Variants in CCM2 observed in about 807,000 individuals in gnomAD.
The protein encoded by CCM2 is cerebral cavernous malformations 2 protein.
In CCM2, 25 loss-of-function variants were observed where a neutral mutation model predicts 44.9. The ratio of observed to expected loss-of-function variants is 0.56; its 90% confidence interval spans 0.41 to 0.78. The LOEUF (loss-of-function observed/expected upper bound fraction) is 0.78. CCM2 is among the 30% of genes least tolerant of loss of function. The probability of loss-of-function intolerance (pLI) is 0.00; values close to 1 mark genes in which losing one functional copy is unlikely to be tolerated. For missense variants in CCM2, 481 were observed against 580.6 expected (o/e 0.83, Z 1.76); for synonymous variants, 219 against 241.1 (o/e 0.91, Z 0.85).
chr7:45,017,315 A>T (rs556923940), intron 1 of CCM2, among the ~76,000 whole-genome samples: 1 of 152,348 alleles, frequency 6.6e-6, no homozygotes, highest in Admixed American at 6.5e-5. Context: ...CAGGGCACTC[A>T]AGTGCACAGC....
Position 45,034,512 on chromosome 7 carries a change from CTTTTTTTTTTTTTT to C in CCM2, c.31-3731_31-3718del, listed in dbSNP as rs35845924. 7.7e-5 allele frequency among the ~76,000 whole-genome samples: 5 copies of C among 65,232 alleles called. No homozygotes were observed. In the South Asian group the frequency reaches 3.6e-3, roughly 47 times the overall value. The allele number at this position is 65,232 out of a possible 152,430, so 42.8% of individuals were successfully genotyped here. A position where few individuals can be genotyped will look rare whatever the true frequency, so the allele number is the denominator to read the frequency against. On this transcript the variant is annotated intron_variant, in intron 1 of 9. Coordinates refer to ENST00000258781, the MANE Select transcript of CCM2 (RefSeq NM_031443.4). Reference sequence around the variant, plus strand: ...ATAAGCATGTGCCACCATGCCTGGCCTTTTTTTTTTTTTTTTTTTTTTTGAGATGGAGTTTCACT... The same window carrying C: ...ATAAGCATGTGCCACCATGCCTGGCCTTTTTTTTTGAGATGGAGTTTCACT...
chr7:45,065,071 A>G (rs926484916), intron 4 of CCM2, among the ~76,000 whole-genome samples: 2 of 152,154 alleles, frequency 1.3e-5, no homozygotes, highest in South Asian at 2.1e-4. Context: ...AGAAAAGATG[A>G]GACCCAGACC....
At chr7:45,030,510 A>G (rs748444400) in intron 1 of CCM2, among the ~76,000 whole-genome samples, 1 of 152,050 alleles carries the variant, frequency 6.6e-6, no homozygotes, top group Non-Finnish European at 1.5e-5. Context: ...ATCACAACTC[A>G]CTGCAGCCTC....
intron 1 of CCM2, among the ~76,000 whole-genome samples, chr7:45,006,414 G>A (rs1830019194): frequency 6.6e-6 from 1 of 151,764 alleles, no homozygotes; most frequent in African/African-American, 2.4e-5. Flanking sequence ...TGCAATCTTG[G>A]CTCGCTGCAA....
intron 2 of CCM2, among the ~76,000 whole-genome samples, chr7:45,042,820 A>T (rs563713866): frequency 0.031 from 4,779 of 152,266 alleles, 261 homozygotes; most frequent in African/African-American, 0.11. Flanking sequence ...CATTAAAAAA[A>T]GTCTTTAGGC....
At chr7:45,074,514 C>T (rs1366289466) in intron 9 of CCM2, 106 bp downstream of exon 9, 3 of 890,956 alleles carry the variant, frequency 3.4e-6, no homozygotes, top group Admixed American at 2.0e-5. Flanking sequence ...AGCAGGGGCT[C>T]CATCAGGGAT....
chr7:45,039,567 T>A (rs1247378873), intron 2 of CCM2, among the ~76,000 whole-genome samples: 1 of 151,940 alleles, frequency 6.6e-6, no homozygotes, highest in Non-Finnish European at 1.5e-5. Flanking sequence ...AAGGCAGAGC[T>A]CAAGACAAAT....
chr7:45,009,656 G>A (rs542811160), intron 1 of CCM2, among the ~76,000 whole-genome samples: 15 of 152,054 alleles, frequency 9.9e-5, no homozygotes, highest in African/African-American at 3.6e-4. Context: ...CGCCCACCTC[G>A]GCCTCCCAAA....
At chr7:45,004,190 A>G (rs11761515) in intron 1 of CCM2, among the ~76,000 whole-genome samples, 8,100 of 152,232 alleles carry the variant, frequency 0.053, 253 homozygotes, top group African/African-American at 0.079. Flanking sequence ...GAGAAAAAAA[A>G]GGTTATAAAG....
intron 1 of CCM2, among the ~76,000 whole-genome samples, chr7:45,008,919 CTTAGTATT>C (rs1795956443): frequency 6.6e-6 from 1 of 152,184 alleles, no homozygotes; most frequent in South Asian, 2.1e-4. Flanking sequence ...CCCCCTCTCA[CTTAGTATT>C]GTCCGTCTTT....
At chr7:45,035,419 G>C (rs536688986) in intron 1 of CCM2, among the ~76,000 whole-genome samples, 4 of 152,222 alleles carry the variant, frequency 2.6e-5, no homozygotes, top group Non-Finnish European at 4.4e-5. Flanking sequence ...CCTACCACCG[G>C]ATGTACTGAG....
At chr7:45,075,306 G>A (rs567743980) in intron 9 of CCM2, among the ~76,000 whole-genome samples, 30 of 152,270 alleles carry the variant, frequency 2.0e-4, no homozygotes, top group Non-Finnish European at 3.5e-4. Flanking sequence ...TCTGAGTTGG[G>A]ACAGTCACCT....
At chr7:45,057,363 A>G (rs375133580) in intron 2 of CCM2, among the ~76,000 whole-genome samples, 1 of 151,942 alleles carries the variant, frequency 6.6e-6, no homozygotes, top group Admixed American at 6.6e-5. Context: ...GGGTTTCACC[A>G]TGTTGGCCAG....
chr7:45,076,432 T>C lies in CCM2; in HGVS notation c.*375T>C, dbSNP rs1479945861. Reference sequence around the variant, plus strand: ...CTCTCAGAGACCTTAAAAAGAAGTTTACTGCAATGTGAATAATTTAATCTC... The same window carrying C: ...CTCTCAGAGACCTTAAAAAGAAGTTCACTGCAATGTGAATAATTTAATCTC... On this transcript the variant is annotated 3_prime_UTR_variant, in exon 10 of 10. Transcript: ENST00000258781. 1.3e-5 allele frequency: 5 copies of C among 384,048 alleles called. No individual in the cohort carries two copies. The Admixed American group carries it at 1.8e-4, about 14-fold the overall frequency. 23.8% of individuals were successfully genotyped at this position (384,048 alleles called of 1,614,324 possible).
chr7:45,064,067 C>G, intron 3 of CCM2, 66 bp downstream of exon 3: 2 of 1,149,728 alleles, frequency 1.7e-6, no homozygotes, highest in Non-Finnish European at 2.6e-6. Context: ...TCCCTGTACT[C>G]TTGGCCTCGT....
chr7:45,035,904 A>T (rs1202911839), intron 1 of CCM2, among the ~76,000 whole-genome samples: 2 of 152,144 alleles, frequency 1.3e-5, no homozygotes, highest in Non-Finnish European at 2.9e-5. Flanking sequence ...ACAGTCATAA[A>T]ATTAACTGGT....
chr7:45,023,821 T>TGC lies in CCM2; in HGVS notation c.31-14432_31-14431insGC, dbSNP rs1402861324. Among the ~76,000 whole-genome samples the TGC allele has an allele frequency of 4.7e-4, 69 of 146,220 alleles. 2 individuals carry two copies. Among genetic ancestry groups the TGC allele is most frequent in the African/African-American group, 1.6e-3 (65 of 39,830 alleles). ...TTTTTTTTTTTTTTTTTTTTTTTTT[T>TGC]TTTTATGAGACAGAGTTTTGCTCTT... On this transcript the variant is annotated intron_variant, in intron 1 of 9. Coordinates refer to ENST00000258781, the MANE Select transcript of CCM2 (RefSeq NM_031443.4).
At chr7:45,004,126 G>C (rs542916639) in intron 1 of CCM2, among the ~76,000 whole-genome samples, 1 of 152,194 alleles carries the variant, frequency 6.6e-6, no homozygotes, top group Non-Finnish European at 1.5e-5. Flanking sequence ...GCTGCAGTGA[G>C]TGTGATTGTG....
intron 1 of CCM2, among the ~76,000 whole-genome samples, chr7:45,031,381 C>CGAA (rs1796961374): frequency 1.7e-5 from 1 of 57,486 alleles, no homozygotes; most frequent in Non-Finnish European, 3.5e-5. Flanking sequence ...GACTCCAGGT[C>CGAA]AAAAAAAAAA....
Sources: allele counts gnomAD v4.1 joint callset (sites outside exome capture counted in the v4.1 genomes callset), GRCh38; gene constraint gnomAD v4.1.1; transcripts MANE v1.5; gene names NCBI Gene and HGNC (gene_info 2026-07-23, HGNC 2026-07-21).